The following HHAT variants were observed in gnomAD, a reference collection of about 807,000 sequenced individuals.
HHAT encodes the protein protein-cysteine N-palmitoyltransferase HHAT.
Under a neutral mutation model 70.8 loss-of-function variants are expected in HHAT, and 47 were observed. The observed-to-expected ratio is 0.66, with a 90% confidence interval of 0.53 to 0.85. The LOEUF (loss-of-function observed/expected upper bound fraction) is 0.85, where lower values mean the gene tolerates loss of function less well. HHAT is among the 40% of genes least tolerant of loss of function. The pLI is 0.00. For synonymous variants in HHAT, 228 were observed against 247.6 expected (o/e 0.92, Z 0.74); for missense variants, 609 against 604.8 (o/e 1.01, Z -0.07).
chr1:210,342,967 A>G (rs1046757655), intron 1 of HHAT, among the ~76,000 whole-genome samples: 3 of 152,176 alleles, frequency 2.0e-5, no homozygotes, highest in African/African-American at 7.2e-5. Flanking sequence ...TTTTCCTAAG[A>G]TAAGTGGGCG....
intron 8 of HHAT, among the ~76,000 whole-genome samples, chr1:210,510,701 G>T (rs896554601): frequency 6.6e-6 from 1 of 152,180 alleles, no homozygotes; most frequent in African/African-American, 2.4e-5. Flanking sequence ...TTTTCTACTG[G>T]CTGTCAGCTC....
intron 7 of HHAT, among the ~76,000 whole-genome samples, chr1:210,433,014 C>A (rs550964638): frequency 6.6e-6 from 1 of 151,592 alleles, no homozygotes; most frequent in East Asian, 1.9e-4. Context: ...TTTTTTCCAT[C>A]CAAAAGTTGC....
intron 11 of HHAT, 116 bp from the exon 12 acceptor site, chr1:210,674,172 T>A (rs1934615): frequency 0.4 from 311,848 of 775,814 alleles, 63,976 homozygotes; most frequent in Non-Finnish European, 0.43. Context: ...CAGACTTTCC[T>A]GGAGGCCTTT....
At chr1:210,413,068 C>T (rs1572254563) in intron 6 of HHAT, among the ~76,000 whole-genome samples, 2 of 152,212 alleles carry the variant, frequency 1.3e-5, no homozygotes, top group African/African-American at 4.8e-5. Context: ...CAGGCCTTTG[C>T]ACTCTGGCCT....
intron 1 of HHAT, among the ~76,000 whole-genome samples, chr1:210,347,798 A>G (rs1460826857): frequency 6.6e-6 from 1 of 152,148 alleles, no homozygotes; most frequent in Non-Finnish European, 1.5e-5. Context: ...TGTCTTGTCC[A>G]TGTGGCTTTC....
intron 7 of HHAT, among the ~76,000 whole-genome samples, chr1:210,457,541 G>A (rs1187227508): frequency 1.3e-5 from 2 of 152,128 alleles, no homozygotes; most frequent in East Asian, 3.9e-4. Flanking sequence ...CTGAAGCTGA[G>A]GGAATTGGGA....
chr1:210,554,361 T>C (rs1313656192), intron 9 of HHAT, among the ~76,000 whole-genome samples: 1 of 152,150 alleles, frequency 6.6e-6, no homozygotes, highest in Non-Finnish European at 1.5e-5. Flanking sequence ...GTCCTGGCTT[T>C]TGAAGATGAA....
chr1:210,600,296 A>G (rs1663941622), intron 10 of HHAT, among the ~76,000 whole-genome samples: 1 of 152,164 alleles, frequency 6.6e-6, no homozygotes, highest in African/African-American at 2.4e-5. Flanking sequence ...AATGAATGAT[A>G]TTTTCTGACT....
In HHAT at chr1:210,348,729, A is replaced by ATGTGTGTGTG. The variant is rs1224033253; in HGVS notation, c.-43-198_-43-197insTGTGTGTGTG. Among the ~76,000 whole-genome samples the ATGTGTGTGTG allele has an allele frequency of 1.5e-4, 11 of 72,334 alleles. No individual in the cohort carries two copies. In the East Asian group the frequency reaches 3.2e-3, roughly 21 times the overall value. 47.5% of individuals were successfully genotyped at this position (72,334 alleles called of 152,430 possible). ...CAGGCAGGATGCACATGTGTGGTGT[A>ATGTGTGTGTG]TGTGTGCGTGTGTGTGTGTGTGTGT... On this transcript the variant is annotated intron_variant, in intron 1 of 11. Transcript: ENST00000261458.
At chr1:210,329,190 A>C in intron 1 of HHAT, 86 bp downstream of exon 1, 2 of 1,223,934 alleles carry the variant, frequency 1.6e-6, no homozygotes, top group Admixed American at 4.2e-5. Flanking sequence ...AAAAAAATGC[A>C]CAAAACGCTT....
chr1:210,463,565 TCTC>T (rs1325528671), intron 7 of HHAT, among the ~76,000 whole-genome samples: 1 of 152,220 alleles, frequency 6.6e-6, no homozygotes, highest in East Asian at 1.9e-4. Context: ...GTTTAGGTGG[TCTC>T]CTCTTTTGGC....
chr1:210,622,780 T>C (rs1442742415), intron 10 of HHAT, among the ~76,000 whole-genome samples: 1 of 152,158 alleles, frequency 6.6e-6, no homozygotes, highest in African/African-American at 2.4e-5. Context: ...TAGGGGGTGG[T>C]TGGATGGCTT....
At chr1:210,329,278 A>C in intron 1 of HHAT, 174 bp downstream of exon 1, 8 of 1,208,550 alleles carry the variant, frequency 6.6e-6, no homozygotes, top group Non-Finnish European at 5.1e-6. Context: ...AAGAAGACAA[A>C]AGCGGCGGGG....
Position 210,400,496 on chromosome 1 carries a change from G to A in HHAT, c.302G>A (p.Gly101Glu). Residue 101 changes from glycine (G) to glutamate (E), a missense_variant, in exon 5 of 12, where the codon GGG becomes GAG. Physicochemically the swap from Gly to Glu is moderately conservative, Grantham distance 98. Coordinates refer to ENST00000261458, the MANE Select transcript of HHAT (RefSeq NM_018194.6). ...KHRPWILMLY[G>E]MWACWCVLGT... The stretch of plus-strand genomic sequence containing the variant: ...AGACCCTGGATTCTCATGCTCTATG[G>A]GATGTGGGCCTGCTGGTGTGTGCTG... 1 of 1,613,554 alleles carries A rather than the reference G, an allele frequency of 6.2e-7. No individual in the cohort carries two copies. Among genetic ancestry groups the A allele is most frequent in the Non-Finnish European group, 8.5e-7 (1 of 1,179,772 alleles).
chr1:210,418,021 A>C, intron 6 of HHAT, 133 bp from the exon 7 acceptor site: 1 of 827,686 alleles, frequency 1.2e-6, no homozygotes, highest in South Asian at 1.6e-5. Flanking sequence ...GAGTGTTCCC[A>C]AGACAAACCA....
intron 10 of HHAT, among the ~76,000 whole-genome samples, chr1:210,598,709 G>A (rs987843074): frequency 1.3e-5 from 2 of 152,210 alleles, no homozygotes; most frequent in African/African-American, 2.4e-5. Flanking sequence ...TGGAGGAGAG[G>A]TGGCATTGCA....
chr1:210,484,839 G>A (rs2094450603), intron 8 of HHAT, among the ~76,000 whole-genome samples: 2 of 152,216 alleles, frequency 1.3e-5, no homozygotes, highest in South Asian at 2.1e-4. Context: ...TAGCCAATGG[G>A]AGCCCCATCA....
chr1:210,617,778 C>T (rs1668033231), intron 10 of HHAT, among the ~76,000 whole-genome samples: 1 of 152,212 alleles, frequency 6.6e-6, no homozygotes, highest in Non-Finnish European at 1.5e-5. Context: ...ATTTGATTCT[C>T]TCTCAGGAGT....
In HHAT at chr1:210,387,530, T is replaced by C; in HGVS notation, c.222T>C (p.Leu74=). 1 of 1,614,050 alleles carries C rather than the reference T, an allele frequency of 6.2e-7. No homozygotes were observed. Residue 74 remains leucine (L), a synonymous_variant, in exon 4 of 12, where the codon CTT becomes CTC. Coordinates refer to ENST00000261458, the MANE Select transcript of HHAT (RefSeq NM_018194.6). The part of the protein sequence containing the change: ...MEWGKQWLVW[L]LLGHMVVSQM... ...GGGGGAAGCAGTGGCTGGTGTGGCTTCTCCTTGGCCACATGGTAGTGTCTC... is the reference window on the plus strand; with the variant it reads ...GGGGGAAGCAGTGGCTGGTGTGGCTCCTCCTTGGCCACATGGTAGTGTCTC...
Sources: allele counts gnomAD v4.1 joint callset (sites outside exome capture counted in the v4.1 genomes callset), GRCh38; gene constraint gnomAD v4.1.1; transcripts MANE v1.5; gene names NCBI Gene and HGNC (gene_info 2026-07-23, HGNC 2026-07-21).